PRPF6: variants seen among roughly 807,000 people sequenced by gnomAD.
The protein encoded by PRPF6 is pre-mRNA processing factor 6.
Under a neutral mutation model 118.3 loss-of-function variants are expected in PRPF6, and 42 were observed. That is an observed-to-expected ratio of 0.35 (90% CI 0.28 to 0.46). The LOEUF (loss-of-function observed/expected upper bound fraction) is 0.46, where lower values mean the gene tolerates loss of function less well. Ranked by LOEUF, PRPF6 falls within the 20% of genes least tolerant of loss-of-function variation. The pLI, the probability that PRPF6 is intolerant of heterozygous loss-of-function variation, is 1.00. For missense variants in PRPF6, 662 were observed against 1,255.7 expected (o/e 0.53, Z 7.15); for synonymous variants, 481 against 485.1 (o/e 0.99, Z 0.11).
rs200291532 is a variant in PRPF6 at position 63,999,002 on chromosome 20, C to T, written c.772-43C>T. 4,975 of 1,501,418 alleles carry T rather than the reference C, an allele frequency of 3.3e-3. 164 individuals carry two copies. In the South Asian group the frequency reaches 0.048, roughly 15 times the overall value. 93.0% of individuals were successfully genotyped at this position (1,501,418 alleles called of 1,614,324 possible). ...GACCCTCTGAGAACTTTGTTTTGCA[C>T]CTGGTCATGTCCAGCTGACTCTTAG... On this transcript the variant is annotated intron_variant, in intron 6 of 20. Coordinates refer to ENST00000266079, the MANE Select transcript of PRPF6 (RefSeq NM_012469.4).
At chr20:64,010,370 GC>G in intron 10 of PRPF6, 52 bp downstream of exon 10, 1 of 1,418,256 alleles carries the variant, frequency 7.1e-7, no homozygotes, top group Non-Finnish European at 9.9e-7. Context: ...CAAGGCCTGA[GC>G]CCAGGTTCAG....
chr20:63,981,374 TGGGGCGTGTTTG>T, intron 1 of PRPF6, 58 bp downstream of exon 1: 1 of 1,498,954 alleles, frequency 6.7e-7, no homozygotes, highest in Non-Finnish European at 9.0e-7. Flanking sequence ...CGCAGTGCTT[TGGGGCGTGTTTG>T]GGGGCGGGGG....
At position 64,027,872 on chromosome 20, in the gene PRPF6, C is replaced by A; in HGVS notation, c.2339+136C>A. 1 of 1,305,240 alleles carries A rather than the reference C, an allele frequency of 7.7e-7. No homozygotes were observed. The highest frequency in any genetic ancestry group is 1.1e-6 in the Non-Finnish European group (1 of 908,468). 80.9% of individuals were successfully genotyped at this position (1,305,240 alleles called of 1,614,324 possible). ...GGGCTTGGGGGGCGGTAGGTGCTGGCCATGAAAAATCACGGTCCCTGCCTT... is the reference window on the plus strand; with the variant it reads ...GGGCTTGGGGGGCGGTAGGTGCTGGACATGAAAAATCACGGTCCCTGCCTT... On this transcript the variant is annotated intron_variant, in intron 17 of 20. Transcript: ENST00000266079. The surrounding 1 kb of genome is among the most constrained non-coding windows in gnomAD (Gnocchi z 6.5).
Position 64,002,905 on chromosome 20 carries a change from A to G in PRPF6, c.1186+1666A>G, listed in dbSNP as rs140850832. On this transcript the variant is annotated intron_variant, in intron 9 of 20. Transcript: ENST00000266079. Reference sequence around the variant, plus strand: ...GTGATCCACCCACCTCGACCTCCCAAAGTGCTGGGATTACAGGCGTGAGCC... The same window carrying G: ...GTGATCCACCCACCTCGACCTCCCAGAGTGCTGGGATTACAGGCGTGAGCC... 2.6e-3 allele frequency among the ~76,000 whole-genome samples: 393 copies of G among 149,934 alleles called. 1 individual carries two copies. The highest frequency in any genetic ancestry group is 4.1e-3 in the Non-Finnish European group (277 of 67,690).
rs367660309 is a variant in PRPF6, at chr20:64,032,790, G to A, written c.2674-51G>A. 1.0e-5 allele frequency: 16 copies of A among 1,564,362 alleles called. No homozygotes were observed. The African/African-American group carries it at 1.6e-4, about 16-fold the overall frequency. ...GCCAGGCGAGAAGCAGGCGAGGTCCGGGGAGTAGCGTGGGAGGACCCCTGC... is the reference window on the plus strand; with the variant it reads ...GCCAGGCGAGAAGCAGGCGAGGTCCAGGGAGTAGCGTGGGAGGACCCCTGC... On this transcript the variant is annotated intron_variant, in intron 20 of 20. Transcript: ENST00000266079.
chr20:64,018,018 C>T (rs140700306), intron 12 of PRPF6, among the ~76,000 whole-genome samples: 189 of 152,238 alleles, frequency 1.2e-3, no homozygotes, highest in African/African-American at 4.4e-3. Context: ...GCCTGGGCAA[C>T]ATGGCAGAAC....
intron 2 of PRPF6, among the ~76,000 whole-genome samples, chr20:63,983,642 A>ATT (rs1451469831): frequency 7.6e-6 from 1 of 131,362 alleles, no homozygotes; most frequent in Non-Finnish European, 1.6e-5. Flanking sequence ...GGCATTTCCT[A>ATT]TTGGCCAGTC....
In PRPF6 at chr20:63,999,507, C is replaced by A; in HGVS notation, c.867-96C>A. ...ACTCAGGACATCAGGACTGATAGTT[C>A]TTACATTGTGACTGTGAAGTGGGTG... On this transcript the variant is annotated intron_variant, in intron 7 of 20. Coordinates refer to ENST00000266079, the MANE Select transcript of PRPF6 (RefSeq NM_012469.4). 4.0e-6 allele frequency: 6 copies of A among 1,498,646 alleles called. No homozygotes were observed. The South Asian group carries it at 5.7e-5, about 14-fold the overall frequency. The allele number at this position is 1,498,646 out of a possible 1,614,324, so 92.8% of individuals were successfully genotyped here.
intron 14 of PRPF6, 22 bp from the exon 15 acceptor site, chr20:64,025,917 C>T (rs201072899): frequency 8.7e-6 from 14 of 1,613,522 alleles, no homozygotes; most frequent in East Asian, 4.5e-5. Context: ...CCCCTCTTGA[C>T]GCTGCTGTAC....
chr20:63,981,382 G>GT, intron 1 of PRPF6, 66 bp downstream of exon 1: 1 of 1,466,316 alleles, frequency 6.8e-7, no homozygotes, highest in Non-Finnish European at 9.3e-7. Flanking sequence ...TTTGGGGCGT[G>GT]TTTGGGGGCG....
chr20:64,000,801 T>A (rs2059163188), intron 8 of PRPF6, among the ~76,000 whole-genome samples: 1 of 152,110 alleles, frequency 6.6e-6, no homozygotes, highest in Admixed American at 6.5e-5. Flanking sequence ...ACTCCTGACC[T>A]CATGATCCAC....
At chr20:64,019,539 C>G (rs1374362029) in intron 12 of PRPF6, among the ~76,000 whole-genome samples, 1 of 152,192 alleles carries the variant, frequency 6.6e-6, no homozygotes, top group African/African-American at 2.4e-5. Flanking sequence ...CACCAGGGCC[C>G]TGGGCACAGC....
Position 63,999,779 on chromosome 20 carries a change from G to A in PRPF6, c.1023+20G>A. 6.2e-7 allele frequency: 1 copy of A among 1,611,910 alleles called. No individual in the cohort carries two copies. Among genetic ancestry groups the A allele is most frequent in the South Asian group, 1.1e-5 (1 of 90,942 alleles). ...CCCAAGGTGAGGTATTTCCTGGGAGGCGTTTCCTGGGAGGCTGCGTGATTG... is the reference window on the plus strand; with the variant it reads ...CCCAAGGTGAGGTATTTCCTGGGAGACGTTTCCTGGGAGGCTGCGTGATTG... On this transcript the variant is annotated intron_variant, in intron 8 of 20. Coordinates refer to ENST00000266079, the MANE Select transcript of PRPF6 (RefSeq NM_012469.4).
In PRPF6 at chr20:64,021,988, C is replaced by G. The variant is rs6062337; in HGVS notation, c.1648-769C>G. 2.9e-4 allele frequency among the ~76,000 whole-genome samples: 40 copies of G among 135,838 alleles called. 2 individuals carry two copies. In the Middle Eastern group the frequency reaches 0.012, roughly 41 times the overall value. 89.1% of individuals were successfully genotyped at this position (135,838 alleles called of 152,430 possible). ...GTATGCATATGCCTCGGCCACAGCC[C>G]TGTGTGTGTGTGTGTGTGTGTGTGT... On this transcript the variant is annotated intron_variant, in intron 12 of 20. Transcript: ENST00000266079.
In PRPF6 at chr20:64,010,277, A is replaced by T. The variant is rs1328435416; in HGVS notation, c.1264A>T (p.Met422Leu). ...ELEEPEDARI[M>L]LSRAVECCPT... ...GGAAGAACCTGAAGATGCTAGAATC[A>T]TGCTGAGCCGAGCTGTGGAGTGCTG... Residue 422 changes from methionine to leucine, a missense_variant, in exon 10 of 21, where the codon ATG becomes TTG. By Grantham distance (15) the Met-to-Leu change is conservative (BLOSUM62 2). Transcript: ENST00000266079. The T allele has an allele frequency of 1.9e-6, 3 of 1,614,116 alleles. No homozygotes were observed. Among genetic ancestry groups the T allele is most frequent in the Non-Finnish European group, 2.5e-6 (3 of 1,180,032 alleles).
In PRPF6 at chr20:64,004,864, T is replaced by G. The variant is rs1489525779; in HGVS notation, c.1186+3625T>G. On this transcript the variant is annotated intron_variant, in intron 9 of 20. Transcript: ENST00000266079. ...TAATGCAGATGTGTGGAAGTGGAGT[T>G]ATTTTACACTAACGCCATATGCTCT... 5.3e-5 allele frequency among the ~76,000 whole-genome samples: 8 copies of G among 152,160 alleles called. No homozygotes were observed. The East Asian group carries it at 1.3e-3, about 26-fold the overall frequency.
At chr20:64,010,875 C>A (rs1318531566) in intron 10 of PRPF6, among the ~76,000 whole-genome samples, 1 of 152,138 alleles carries the variant, frequency 6.6e-6, no homozygotes, top group Non-Finnish European at 1.5e-5. Context: ...ATGAATAAAG[C>A]CCGTACACAT....
At position 64,027,855 on chromosome 20, in the gene PRPF6, G is replaced by T; in HGVS notation, c.2339+119G>T. ...AGTGCTTCCAGGCTCAGGGGCTTGG[G>T]GGGCGGTAGGTGCTGGCCATGAAAA... On this transcript the variant is annotated intron_variant, in intron 17 of 20. Transcript: ENST00000266079. This position sits in a 1 kb window ranked among gnomAD's most constrained non-coding sequence, Gnocchi z 6.5. 7.0e-7 allele frequency: 1 copy of T among 1,431,360 alleles called. No individual in the cohort carries two copies. Among genetic ancestry groups the T allele is most frequent in the Non-Finnish European group, 9.8e-7 (1 of 1,019,550 alleles). The allele number at this position is 1,431,360 out of a possible 1,614,324, so 88.7% of individuals were successfully genotyped here. A position where few individuals can be genotyped will look rare whatever the true frequency, so the allele number is the denominator to read the frequency against.
intron 1 of PRPF6, among the ~76,000 whole-genome samples, chr20:63,981,530 C>A (rs2059067069): frequency 6.6e-6 from 1 of 152,172 alleles, no homozygotes; most frequent in South Asian, 2.1e-4. Context: ...GACTCTCAGC[C>A]CAGTGTTTTG....
Sources: gnomAD v4.1 joint callset for allele counts (sites outside exome capture counted in the v4.1 genomes callset) on GRCh38, gnomAD v4.1.1 for gene constraint, Gnocchi (gnomAD v3.1) non-coding constraint, MANE v1.5 for transcripts, NCBI Gene and HGNC (gene_info 2026-07-23, HGNC 2026-07-21) for gene names.